The following PDE4D variants were observed in gnomAD, a reference collection of about 807,000 sequenced individuals.
The protein encoded by PDE4D is phosphodiesterase 4D.
A neutral mutation model predicts 87.4 loss-of-function variants in PDE4D; 24 were observed. The observed-to-expected ratio is 0.27, with a 90% CI of 0.20 to 0.39. The LOEUF is 0.39. Among genes scored for constraint, PDE4D ranks in the 10% least tolerant of loss-of-function variants. The pLI, the probability that PDE4D is intolerant of heterozygous loss-of-function variation, is 1.00. For synonymous variants in PDE4D, 384 were observed against 383.2 expected, an observed-to-expected ratio of 1.00 and a Z score of -0.02; for missense variants, 714 against 1,041.0, an observed-to-expected ratio of 0.69 and a Z score of 4.32.
At chr5:60,016,320 C>G (rs377255546) in intron 2 of PDE4D, among the ~76,000 whole-genome samples, 8 of 152,220 alleles carry the variant, frequency 5.3e-5, no homozygotes, top group African/African-American at 1.9e-4. Context: ...ATCACCTGAG[C>G]CTTCAGCAAC....
At chr5:59,832,174 C>T (rs1046116440) in intron 1 of PDE4D, among the ~76,000 whole-genome samples, 9 of 152,036 alleles carry the variant, frequency 5.9e-5, no homozygotes, top group East Asian at 3.9e-4. Flanking sequence ...GCCTGAGGTC[C>T]GCTCTGGCCA....
intron 1 of PDE4D, among the ~76,000 whole-genome samples, chr5:59,478,251 C>G (rs1020334714): frequency 6.6e-6 from 1 of 152,050 alleles, no homozygotes. Flanking sequence ...TAATTACCAT[C>G]ATATGGGAAT....
intron 5 of PDE4D, among the ~76,000 whole-genome samples, chr5:59,104,914 A>G (rs1771340328): frequency 1.3e-5 from 2 of 152,218 alleles, no homozygotes; most frequent in East Asian, 3.8e-4. Flanking sequence ...TCAGCTTGCC[A>G]CTGCAGAGGA....
upstream of PDE4D, among the ~76,000 whole-genome samples, chr5:59,894,013 C>T (rs1191880041): frequency 6.6e-6 from 1 of 152,184 alleles, no homozygotes; most frequent in African/African-American, 2.4e-5. Flanking sequence ...GAAGCAGCAG[C>T]AACGGCGGCG....
At chr5:59,930,512 C>T (rs1047857089) in intron 3 of PDE4D, among the ~76,000 whole-genome samples, 1 of 152,154 alleles carries the variant, frequency 6.6e-6, no homozygotes, top group African/African-American at 2.4e-5. Context: ...TCTCCAGAAC[C>T]AACAAGTCCT....
At chr5:59,232,824 A>ATG (rs1755528667) in intron 1 of PDE4D, among the ~76,000 whole-genome samples, 1 of 145,216 alleles carries the variant, frequency 6.9e-6, no homozygotes. Context: ...ATATATATAT[A>ATG]TATACACACA....
At chr5:59,126,108 AGAGAG>A (rs1167898643) in intron 5 of PDE4D, among the ~76,000 whole-genome samples, 20 of 108,242 alleles carry the variant, frequency 1.8e-4, no homozygotes, top group African/African-American at 5.4e-4. Flanking sequence ...AAAAAAAAAA[AGAGAG>A]AGAGAGAGAG....
At chr5:58,999,600 A>C (rs899650717) in intron 6 of PDE4D, 1 of 1,224,196 alleles carries the variant, frequency 8.2e-7, no homozygotes, top group Non-Finnish European at 1.0e-6. Flanking sequence ...AAATGTATTT[A>C]GCTTCAAAAT....
chr5:60,141,052 C>T (rs565201961), intron 2 of PDE4D, among the ~76,000 whole-genome samples: 27 of 152,124 alleles, frequency 1.8e-4, no homozygotes, highest in Admixed American at 1.2e-3. Flanking sequence ...GCTCTTTTTT[C>T]GTGGAGTTCA....
chr5:59,638,715 C>A (rs561615727), intron 1 of PDE4D, among the ~76,000 whole-genome samples: 7 of 151,674 alleles, frequency 4.6e-5, no homozygotes, highest in African/African-American at 1.7e-4. Context: ...AATGTAAGGA[C>A]AAAGCACATT....
intron 2 of PDE4D, among the ~76,000 whole-genome samples, chr5:60,099,240 CTTTGATTTTGACAA>C (rs925316729): frequency 4.0e-5 from 6 of 151,792 alleles, no homozygotes; most frequent in Admixed American, 2.0e-4. Flanking sequence ...CTCACTTTGT[CTTTGATTTTGACAA>C]TTTGATTTTA....
intron 6 of PDE4D, among the ~76,000 whole-genome samples, chr5:59,003,926 A>G (rs1302189447): frequency 6.6e-6 from 1 of 151,940 alleles, no homozygotes; most frequent in African/African-American, 2.4e-5. Flanking sequence ...TTAAATGCAA[A>G]TTACACTCTG....
chr5:59,337,321 G>GT (rs1353644091), intron 1 of PDE4D, among the ~76,000 whole-genome samples: 40 of 135,232 alleles, frequency 3.0e-4, no homozygotes, highest in Non-Finnish European at 3.8e-4. Flanking sequence ...GCATTCATAA[G>GT]TTCCCCCCCC....
intron 6 of PDE4D, among the ~76,000 whole-genome samples, chr5:59,034,768 A>C (rs1297430585): frequency 6.6e-6 from 1 of 152,218 alleles, no homozygotes; most frequent in Admixed American, 6.5e-5. Context: ...GTATAGAAAA[A>C]TCTGAAGTCT....
intron 1 of PDE4D, among the ~76,000 whole-genome samples, chr5:59,786,544 G>A (rs188652594): frequency 1.4e-4 from 22 of 152,306 alleles, no homozygotes; most frequent in Admixed American, 1.2e-3. Context: ...ACTTGGAATT[G>A]GATCTTGACA....
At chr5:60,393,206 T>C (rs941085643) in intron 1 of PDE4D, among the ~76,000 whole-genome samples, 1 of 152,142 alleles carries the variant, frequency 6.6e-6, no homozygotes, top group Non-Finnish European at 1.5e-5. Context: ...CACAACCAAC[T>C]TAAACCTCCA....
chr5:59,612,075 T>A (rs192791136), intron 1 of PDE4D, among the ~76,000 whole-genome samples: 21 of 152,182 alleles, frequency 1.4e-4, no homozygotes, highest in Admixed American at 1.2e-3. Flanking sequence ...TAAGCTTGAG[T>A]TTTTCTTTAG....
intron 5 of PDE4D, among the ~76,000 whole-genome samples, chr5:59,142,053 C>T (rs905578755): frequency 6.6e-6 from 1 of 152,076 alleles, no homozygotes; most frequent in Non-Finnish European, 1.5e-5. Context: ...TCTGCACAAG[C>T]CTGAAAACTC....
At chr5:60,396,164 A>C (rs1023115105) in intron 1 of PDE4D, among the ~76,000 whole-genome samples, 1 of 152,202 alleles carries the variant, frequency 6.6e-6, no homozygotes, top group Middle Eastern at 3.2e-3. Flanking sequence ...TCCACTGCGC[A>C]TGTTCCCAAA....
Sources: gnomAD v4.1 joint callset for allele counts (sites outside exome capture counted in the v4.1 genomes callset) on GRCh38, gnomAD v4.1.1 for gene constraint, MANE v1.5 for transcripts, NCBI Gene and HGNC (gene_info 2026-07-23, HGNC 2026-07-21) for gene names.